TRIO: variants seen among roughly 807,000 people sequenced by gnomAD.
TRIO encodes the protein triple functional domain protein.
In TRIO, 58 loss-of-function variants were observed where a neutral mutation model predicts 351.9. The observed-to-expected ratio is 0.16, with a 90% confidence interval of 0.13 to 0.21. The LOEUF is 0.21. Among genes scored for constraint, TRIO ranks in the 10% least tolerant of loss-of-function variants. TRIO has a pLI of 1.00. For synonymous variants in TRIO, 1,758 were observed against 1,595.7 expected (o/e 1.10, Z -2.42); for missense variants, 3,201 against 4,027.8 (o/e 0.79, Z 5.56).
intron 49 of TRIO, among the ~76,000 whole-genome samples, chr5:14,496,493 T>C (rs1030760182): frequency 6.6e-6 from 1 of 152,194 alleles, no homozygotes; most frequent in Non-Finnish European, 1.5e-5. Flanking sequence ...GCTCATTGGA[T>C]GAGGGCCATT....
chr5:14,233,985 ACAGGGTGT>A (rs904897348), intron 1 of TRIO, among the ~76,000 whole-genome samples: 1 of 152,044 alleles, frequency 6.6e-6, no homozygotes, highest in African/African-American at 2.4e-5. Flanking sequence ...GTGTGTGGAG[ACAGGGTGT>A]CACTGTTTCC....
intron 21 of TRIO, among the ~76,000 whole-genome samples, chr5:14,385,649 T>C (rs1306872508): frequency 6.6e-6 from 1 of 152,184 alleles, no homozygotes; most frequent in African/African-American, 2.4e-5. Flanking sequence ...CAGTGGAAGG[T>C]GGGGTGAGAA....
At chr5:14,328,833 G>A (rs570674553) in intron 9 of TRIO, among the ~76,000 whole-genome samples, 1 of 152,306 alleles carries the variant, frequency 6.6e-6, no homozygotes, top group Admixed American at 6.5e-5. Flanking sequence ...TGGAAATGGA[G>A]GGGTGGAAAT....
chr5:14,313,642 G>C (rs1426672301), intron 8 of TRIO, among the ~76,000 whole-genome samples: 1 of 152,214 alleles, frequency 6.6e-6, no homozygotes. Context: ...AGCTCTATTA[G>C]TAAGAGGATC....
At chr5:14,490,708 C>T in intron 48 of TRIO, 5 of 440,704 alleles carry the variant, frequency 1.1e-5, no homozygotes, top group South Asian at 7.9e-5. Context: ...ACTTGAAATG[C>T]CTAGTACATA....
intron 34 of TRIO, among the ~76,000 whole-genome samples, chr5:14,421,093 C>G (rs964501872): frequency 6.6e-6 from 1 of 152,114 alleles, no homozygotes; most frequent in Non-Finnish European, 1.5e-5. Context: ...CCTCACAAAC[C>G]CTCTAATGCC....
chr5:14,503,406 C>T (rs569889016), intron 54 of TRIO, among the ~76,000 whole-genome samples: 1 of 150,472 alleles, frequency 6.6e-6, no homozygotes, highest in African/African-American at 2.4e-5. Flanking sequence ...CACATGCTGT[C>T]TTAGGACAGT....
Position 14,270,854 on chromosome 5 carries a change from A to G in TRIO, c.187A>G (p.Met63Val), listed in dbSNP as rs1188414460. ...TCGAAAAAACGATGAAATGAAAGCT[A>G]TGGATGTTTTACCAATTTTGAAGGA... ...GFRKNDEMKAMDVLPILKEKV... is the reference protein window; with the variant it reads ...GFRKNDEMKAVDVLPILKEKV... The change falls in exon 2 of 57, where the codon ATG (methionine) becomes GTG (valine). Residue 63 changes from methionine (M) to valine (V), a missense_variant. Met to Val is a conservative substitution (Grantham distance 21). This residue lies in a region of TRIO where 109 missense variants were observed against 134.6 expected (regional missense o/e 0.81). Coordinates refer to ENST00000344204, the MANE Select transcript of TRIO (RefSeq NM_007118.4). 9 of 1,613,886 alleles carry G rather than the reference A, an allele frequency of 5.6e-6. No homozygotes were observed. The highest frequency in any genetic ancestry group is 2.7e-5 in the African/African-American group (2 of 74,934).
At chr5:14,261,014 C>G (rs562288662) in intron 1 of TRIO, among the ~76,000 whole-genome samples, 8 of 152,160 alleles carry the variant, frequency 5.3e-5, no homozygotes, top group Non-Finnish European at 7.3e-5. Flanking sequence ...GCACCTACCC[C>G]CTCCTTAAAC....
chr5:14,295,141 C>T (rs138630699), intron 6 of TRIO, among the ~76,000 whole-genome samples: 243 of 152,232 alleles, frequency 1.6e-3, no homozygotes, highest in African/African-American at 5.6e-3. Flanking sequence ...GGTATTTAAC[C>T]TTCAGCCCCT....
In TRIO at chr5:14,488,209, C is replaced by T. The variant is rs1417485107; in HGVS notation, c.7581C>T (p.Ser2527=). 1.3e-6 allele frequency: 2 copies of T among 1,595,012 alleles called. No individual in the cohort carries two copies. The highest frequency in any genetic ancestry group is 8.5e-7 in the Non-Finnish European group (1 of 1,177,418). ...AAPGKDTDRM[S]TCSSASEQSV... The stretch of plus-strand genomic sequence containing the variant: ...CTGGCAAGGATACTGACCGCATGAG[C>T]ACGTGCTCCTCGGCCAGCGAGCAGT... Residue 2527 remains serine, a synonymous_variant, in exon 48 of 57, where the codon AGC becomes AGT. Coordinates refer to ENST00000344204, the MANE Select transcript of TRIO (RefSeq NM_007118.4).
chr5:14,345,675 C>T (rs1742358304), intron 11 of TRIO, among the ~76,000 whole-genome samples: 1 of 152,186 alleles, frequency 6.6e-6, no homozygotes, highest in South Asian at 2.1e-4. Context: ...GTTCTCCTGC[C>T]TCAGCCTCCC....
intron 34 of TRIO, among the ~76,000 whole-genome samples, chr5:14,425,375 T>C (rs1750557977): frequency 6.6e-6 from 1 of 152,256 alleles, no homozygotes; most frequent in African/African-American, 2.4e-5. Context: ...GTTCTGACTT[T>C]TGTCAGAATT....
intron 43 of TRIO, among the ~76,000 whole-genome samples, chr5:14,480,410 C>T (rs1755426339): frequency 6.6e-6 from 1 of 152,106 alleles, no homozygotes; most frequent in Admixed American, 6.6e-5. Context: ...TTTTCCCCCA[C>T]CACAGACCTT....
In TRIO at chr5:14,405,832, C is replaced by G. The variant is rs370839412; in HGVS notation, c.4717-16C>G. ...GGGCCGTTCCGTATCCTAAGCAACGCTAACACCTTGTTAAGGCTTCCAGCA... is the reference window on the plus strand; with the variant it reads ...GGGCCGTTCCGTATCCTAAGCAACGGTAACACCTTGTTAAGGCTTCCAGCA... On this transcript the variant is annotated splice_polypyrimidine_tract_variant and intron_variant, in intron 31 of 56. Transcript: ENST00000344204. 1.7e-4 allele frequency: 274 copies of G among 1,613,002 alleles called. No homozygotes were observed. In the African/African-American group the frequency reaches 3.4e-3, roughly 20 times the overall value.
chr5:14,166,324 C>G (rs1165672699), intron 1 of TRIO, among the ~76,000 whole-genome samples: 1 of 152,218 alleles, frequency 6.6e-6, no homozygotes, highest in South Asian at 2.1e-4. Flanking sequence ...TCTCTTGACA[C>G]TTAATTCTCT....
chr5:14,390,938 A>G lies in TRIO; in HGVS notation c.4166A>G (p.Asn1389Ser). The change falls in exon 27 of 57, where the codon AAT (asparagine) becomes AGT (serine). Residue 1389 changes from asparagine (N) to serine (S), a missense_variant. Physicochemically the swap from Asn to Ser is conservative, Grantham distance 46 (BLOSUM62 1). Transcript: ENST00000344204. ...CAGATGTATGTCACATATTGCAAAA[A>G]TAAGCCTGATTCTACTCAGCTGATA... ...KFQMYVTYCK[N>S]KPDSTQLILE... is the part of the protein sequence containing the mutation. 2 of 1,611,730 alleles carry G rather than the reference A, an allele frequency of 1.2e-6. No individual in the cohort carries two copies. Among genetic ancestry groups the G allele is most frequent in the Non-Finnish European group, 1.7e-6 (2 of 1,179,372 alleles).
chr5:14,438,811 C>T (rs1751798003), intron 34 of TRIO, among the ~76,000 whole-genome samples: 1 of 152,272 alleles, frequency 6.6e-6, no homozygotes, highest in South Asian at 2.1e-4. Flanking sequence ...TGTCTAGTGG[C>T]TCAGGTTGTC....
At chr5:14,302,350 G>A (rs549116181) in intron 7 of TRIO, among the ~76,000 whole-genome samples, 8 of 152,180 alleles carry the variant, frequency 5.3e-5, no homozygotes, top group Non-Finnish European at 7.3e-5. Flanking sequence ...GTCCAGGAGC[G>A]CTTAATTGCT....
Sources: allele counts gnomAD v4.1 joint callset (sites outside exome capture counted in the v4.1 genomes callset), GRCh38; gene constraint gnomAD v4.1.1; regional missense constraint gnomAD v4.1.1; transcripts MANE v1.5; gene names NCBI Gene and HGNC (gene_info 2026-07-23, HGNC 2026-07-21).